CDKL3: variants seen among roughly 807,000 people sequenced by gnomAD.
The protein encoded by CDKL3 is cyclin-dependent kinase-like 3.
CDKL3 carries 65 observed loss-of-function variants against 69.3 expected under a neutral mutation model. That is an observed-to-expected ratio of 0.94 (90% CI 0.77 to 1.15). CDKL3 has a LOEUF of 1.15. Among genes scored for constraint, CDKL3 ranks in the 50% most tolerant of loss-of-function variants. The probability of loss-of-function intolerance (pLI) is 0.00; values close to 1 mark genes in which losing one functional copy is unlikely to be tolerated. For synonymous variants in CDKL3, 202 were observed against 221.6 expected, an observed-to-expected ratio of 0.91 and a Z score of 0.79; for missense variants, 652 against 689.2, an observed-to-expected ratio of 0.95 and a Z score of 0.61.
chr5:134,369,942 C>T (rs1411674659), upstream of CDKL3, among the ~76,000 whole-genome samples: 1 of 152,122 alleles, frequency 6.6e-6, no homozygotes, highest in African/African-American at 2.4e-5. Context: ...GTTAGGACTG[C>T]AATGGCAGAA....
upstream of CDKL3, among the ~76,000 whole-genome samples, chr5:134,368,450 C>G (rs1757930567): frequency 1.3e-5 from 2 of 151,912 alleles, no homozygotes; most frequent in Admixed American, 1.3e-4. Context: ...AACCCCATTT[C>G]TACTAAAAAA....
At chr5:134,366,657 T>TAA (rs1171554599) in intron 1 of CDKL3, 113 bp from the exon 2 acceptor site, 263 of 584,146 alleles carry the variant, frequency 4.5e-4, no homozygotes, top group African/African-American at 2.0e-3. Flanking sequence ...ATAGAGACAT[T>TAA]AAAAAAAAAA....
At chr5:134,324,597 A>G (rs542781185) in intron 4 of CDKL3, among the ~76,000 whole-genome samples, 1 of 152,352 alleles carries the variant, frequency 6.6e-6, no homozygotes, top group East Asian at 1.9e-4. Context: ...CCAGTCTGAA[A>G]AAGCTACATA....
intron 8 of CDKL3, among the ~76,000 whole-genome samples, chr5:134,290,020 A>G (rs77876142): frequency 0.023 from 3,456 of 152,162 alleles, 110 homozygotes; most frequent in African/African-American, 0.079. Context: ...TATGTTATGC[A>G]TTGTTCTAAG....
At chr5:134,348,997 G>A (rs576109668) in intron 4 of CDKL3, among the ~76,000 whole-genome samples, 1 of 152,246 alleles carries the variant, frequency 6.6e-6, no homozygotes, top group East Asian at 1.9e-4. Context: ...TGTGAATCCT[G>A]ACCACCTGGG....
chr5:134,338,000 A>G (rs1451409545), intron 4 of CDKL3, among the ~76,000 whole-genome samples: 1 of 152,212 alleles, frequency 6.6e-6, no homozygotes, highest in Non-Finnish European at 1.5e-5. Context: ...AAGACCCCTC[A>G]TACAAAATAA....
chr5:134,333,470 A>C (rs750533183), intron 4 of CDKL3, among the ~76,000 whole-genome samples: 4 of 152,168 alleles, frequency 2.6e-5, no homozygotes, highest in African/African-American at 4.8e-5. Context: ...AATAGCTCTT[A>C]TTTTGAGATA....
chr5:134,304,599 A>ATG, intron 10 of CDKL3, 32 bp from the exon 11 acceptor site: 5 of 1,557,872 alleles, frequency 3.2e-6, no homozygotes, highest in Non-Finnish European at 4.4e-6. Flanking sequence ...AGTTGAAGAA[A>ATG]TGTGTCTAAC....
chr5:134,293,849 C>A (rs929467316), downstream of CDKL3, among the ~76,000 whole-genome samples: 1 of 151,342 alleles, frequency 6.6e-6, no homozygotes, highest in Admixed American at 6.6e-5. Context: ...GTGGTTCAGC[C>A]TATAATCCCA....
In CDKL3 at chr5:134,343,445, G is replaced by A. The variant is rs550801760; in HGVS notation, c.539+6804C>T. 6.6e-5 allele frequency among the ~76,000 whole-genome samples: 10 copies of A among 152,286 alleles called. No homozygotes were observed. The South Asian group carries it at 2.1e-3, about 32-fold the overall frequency. The stretch of plus-strand genomic sequence containing the variant: ...GGAGAAACTTCGTTTATAGTTTATA[G>A]TTTAACACAAAGACAGTAACAACCC... On this transcript the variant is annotated intron_variant, in intron 4 of 12. Coordinates refer to ENST00000265334, the MANE Select transcript of CDKL3 (RefSeq NM_001113575.2).
intron 3 of CDKL3, among the ~76,000 whole-genome samples, chr5:134,354,816 A>T (rs113414328): frequency 6.6e-6 from 1 of 152,140 alleles, no homozygotes; most frequent in African/African-American, 2.4e-5. Flanking sequence ...ACATGGTGGC[A>T]TGTGCCTATA....
chr5:134,349,392 T>C (rs1025119718), intron 4 of CDKL3, among the ~76,000 whole-genome samples: 2 of 152,302 alleles, frequency 1.3e-5, no homozygotes, highest in East Asian at 3.9e-4. Context: ...ACTTTTGAAG[T>C]AATTCTCCTG....
chr5:134,307,061 C>T (rs1248108994), intron 9 of CDKL3, among the ~76,000 whole-genome samples: 2 of 151,966 alleles, frequency 1.3e-5, no homozygotes, highest in Non-Finnish European at 2.9e-5. Flanking sequence ...GGCCGAAATG[C>T]CTTTGTTTTA....
At chr5:134,301,964 G>A (rs2149419676) in intron 12 of CDKL3, among the ~76,000 whole-genome samples, 1 of 152,290 alleles carries the variant, frequency 6.6e-6, no homozygotes, top group East Asian at 1.9e-4. Flanking sequence ...CCTCACAAGT[G>A]TAGAATAGGA....
rs113115134 is a variant in CDKL3, at chr5:134,341,257, C to T, written c.539+8992G>A. 9.8e-3 allele frequency among the ~76,000 whole-genome samples: 1,486 copies of T among 152,162 alleles called. 12 individuals carry two copies. The highest frequency in any genetic ancestry group is 0.032 in the African/African-American group (1,317 of 41,500). ...ATCATACTTAGACTGAATGATTTCC[C>T]GATAAGATTAGGAACAAGACAAGGA... On this transcript the variant is annotated intron_variant, in intron 4 of 12. Transcript: ENST00000265334.
chr5:134,366,463 A>G lies in CDKL3; in HGVS notation c.61T>C (p.Cys21Arg). 6.2e-7 allele frequency: 1 copy of G among 1,609,024 alleles called. No homozygotes were observed. The highest frequency in any genetic ancestry group is 8.5e-7 in the Non-Finnish European group (1 of 1,177,480). Residue 21 changes from cysteine (C) to arginine (R), a missense_variant, in exon 2 of 13, where the codon TGT becomes CGT. By Grantham distance (180) the Cys-to-Arg change is radical. Coordinates refer to ENST00000265334, the MANE Select transcript of CDKL3 (RefSeq NM_001113575.2). ...ATCTGCCCAGTATTCTTATGTTTAC[A>G]TTTCATGACTGTTCCGTAACTTCCC... ...GEGSYGTVMKCKHKNTGQIVA... is the reference protein window; with the variant it reads ...GEGSYGTVMKRKHKNTGQIVA...
intron 2 of CDKL3, among the ~76,000 whole-genome samples, chr5:134,365,378 T>C (rs1231425039): frequency 2.0e-5 from 3 of 150,150 alleles, no homozygotes; most frequent in Non-Finnish European, 4.4e-5. Flanking sequence ...CCTCGGCCTC[T>C]CAAAGTGCTG....
At chr5:134,357,246 T>C (rs899207886) in intron 3 of CDKL3, among the ~76,000 whole-genome samples, 12 of 151,856 alleles carry the variant, frequency 7.9e-5, no homozygotes, top group Non-Finnish European at 1.5e-4. Flanking sequence ...GAGTTTGATA[T>C]CAGCCTGACC....
intron 3 of CDKL3, among the ~76,000 whole-genome samples, chr5:134,358,736 C>T (rs534739396): frequency 2.0e-4 from 30 of 152,176 alleles, no homozygotes; most frequent in African/African-American, 7.2e-4. Context: ...TCACAAGTAG[C>T]CGGGAGTACA....
Sources: allele counts gnomAD v4.1 joint callset (sites outside exome capture counted in the v4.1 genomes callset), GRCh38; gene constraint gnomAD v4.1.1; transcripts MANE v1.5; gene names NCBI Gene and HGNC (gene_info 2026-07-23, HGNC 2026-07-21).